Variants in PREP observed in about 807,000 individuals in gnomAD.
The protein encoded by PREP is prolyl endopeptidase.
Under a neutral mutation model 87.6 loss-of-function variants are expected in PREP, and 29 were observed. That is an observed-to-expected ratio of 0.33 (90% CI 0.25 to 0.45). The LOEUF (loss-of-function observed/expected upper bound fraction) is 0.45. PREP is among the 20% of genes least tolerant of loss of function. The pLI is 1.00. For missense variants in PREP, 695 were observed against 886.5 expected, an observed-to-expected ratio of 0.78 and a Z score of 2.74; for synonymous variants, 337 against 328.6, an observed-to-expected ratio of 1.03 and a Z score of -0.28.
chr6:105,288,424 C>T (rs1770232455), intron 11 of PREP, among the ~76,000 whole-genome samples: 1 of 152,202 alleles, frequency 6.6e-6, no homozygotes, highest in Non-Finnish European at 1.5e-5. Flanking sequence ...GATCTTGGCT[C>T]ACTGCAACCT....
chr6:105,351,916 GA>G (rs1771966933), intron 7 of PREP, among the ~76,000 whole-genome samples: 1 of 152,096 alleles, frequency 6.6e-6, no homozygotes, highest in Non-Finnish European at 1.5e-5. Context: ...TTAACTCTAG[GA>G]AAAAAGTTGC....
chr6:105,354,010 T>C (rs78863494), intron 6 of PREP, among the ~76,000 whole-genome samples: 10,969 of 152,168 alleles, frequency 0.072, 538 homozygotes, highest in South Asian at 0.15. Context: ...ATACAAACAA[T>C]GTATTATTGT....
chr6:105,331,452 C>T (rs565609314), intron 8 of PREP, among the ~76,000 whole-genome samples: 55 of 152,272 alleles, frequency 3.6e-4, no homozygotes, highest in Middle Eastern at 3.4e-3. Context: ...TTACAACATC[C>T]ATGATGGTGT....
At chr6:105,297,916 A>C (rs1005377539) in intron 10 of PREP, among the ~76,000 whole-genome samples, 2 of 152,246 alleles carry the variant, frequency 1.3e-5, no homozygotes, top group Admixed American at 1.3e-4. Context: ...GTAAGATCTC[A>C]TAAGCGGGAC....
chr6:105,326,210 A>C (rs1771154486), intron 9 of PREP, among the ~76,000 whole-genome samples: 3 of 151,922 alleles, frequency 2.0e-5, no homozygotes, highest in Admixed American at 6.6e-5. Context: ...CTCACCCCTG[A>C]CTCCCAGAGC....
intron 10 of PREP, among the ~76,000 whole-genome samples, chr6:105,293,188 C>A (rs1770335314): frequency 6.6e-6 from 1 of 152,206 alleles, no homozygotes; most frequent in Non-Finnish European, 1.5e-5. Context: ...CTTGCACATT[C>A]CTTCCTCACT....
intron 7 of PREP, among the ~76,000 whole-genome samples, chr6:105,350,178 C>G (rs533579417): frequency 1.3e-5 from 2 of 151,794 alleles, no homozygotes; most frequent in Non-Finnish European, 2.9e-5. Context: ...AACTAAAGTA[C>G]GGTGATTCTA....
chr6:105,384,116 T>G (rs889073974), intron 2 of PREP, among the ~76,000 whole-genome samples: 2 of 152,108 alleles, frequency 1.3e-5, no homozygotes, highest in Admixed American at 6.5e-5. Flanking sequence ...GTCCCACTGA[T>G]AGTTGGGGAA....
In PREP at chr6:105,329,036, TAAG is replaced by T. The variant is rs1046493453; in HGVS notation, c.1016-13_1016-11del. The stretch of plus-strand genomic sequence containing the variant: ...ACACAAGCTATCCATTCTGAAAGGA[TAAG>T]AAGAGAAAAAACCTAATGCAATTTA... On this transcript the variant is annotated splice_polypyrimidine_tract_variant and intron_variant, in intron 8 of 14. Transcript: ENST00000652536. The T allele has an allele frequency of 9.9e-6, 16 of 1,609,130 alleles. No individual in the cohort carries two copies. Among genetic ancestry groups the T allele is most frequent in the Non-Finnish European group, 9.4e-6 (11 of 1,175,970 alleles).
At chr6:105,281,693 G>C in intron 14 of PREP, 53 bp downstream of exon 14, 3 of 1,577,504 alleles carry the variant, frequency 1.9e-6, no homozygotes, top group East Asian at 2.2e-5. Context: ...CTGTGACTGT[G>C]TTCAACTTTA....
chr6:105,375,984 T>C lies in PREP; in HGVS notation c.385+141A>G, dbSNP rs1388376449. 5.1e-6 allele frequency: 5 copies of C among 983,360 alleles called. No homozygotes were observed. The African/African-American group carries it at 8.3e-5, about 16-fold the overall frequency. 60.9% of individuals were successfully genotyped at this position (983,360 alleles called of 1,614,324 possible). The stretch of plus-strand genomic sequence containing the variant: ...CTAAATATACTGTGCAAAAATTAGC[T>C]TTCCTGATATTGTATGTGCATCTGT... On this transcript the variant is annotated intron_variant, in intron 4 of 14. Transcript: ENST00000652536.
intron 12 of PREP, among the ~76,000 whole-genome samples, chr6:105,284,978 G>A (rs1417327908): frequency 6.6e-6 from 1 of 152,218 alleles, no homozygotes; most frequent in Non-Finnish European, 1.5e-5. Context: ...CTAGGAGGAT[G>A]AGATTCCTCA....
intron 5 of PREP, among the ~76,000 whole-genome samples, chr6:105,372,030 G>A (rs112639412): frequency 0.013 from 1,948 of 152,150 alleles, 38 homozygotes; most frequent in African/African-American, 0.043. Context: ...TTTCCAGAGC[G>A]CAGACATCTT....
At chr6:105,385,549 CTG>C (rs1174218251) in intron 2 of PREP, among the ~76,000 whole-genome samples, 19 of 152,198 alleles carry the variant, frequency 1.2e-4, no homozygotes, top group Admixed American at 1.1e-3. Context: ...AGAGCAATGA[CTG>C]TGAAACAAAA....
intron 11 of PREP, among the ~76,000 whole-genome samples, chr6:105,285,955 TA>T (rs1240199135): frequency 7.2e-5 from 11 of 152,290 alleles, no homozygotes; most frequent in African/African-American, 2.6e-4. Flanking sequence ...TTTGTATTTT[TA>T]GTAGAGATGG....
intron 10 of PREP, among the ~76,000 whole-genome samples, chr6:105,297,479 A>G (rs1349142531): frequency 6.6e-6 from 1 of 152,222 alleles, no homozygotes; most frequent in African/African-American, 2.4e-5. Flanking sequence ...TATTGCTACC[A>G]CAGTACTCAG....
chr6:105,373,297 C>T, intron 5 of PREP, 72 bp downstream of exon 5: 2 of 1,475,778 alleles, frequency 1.4e-6, no homozygotes, highest in Non-Finnish European at 9.5e-7. Context: ...TAGGGTTCAG[C>T]ATCTCTTTTC....
chr6:105,325,662 T>C (rs1771136327), intron 9 of PREP, among the ~76,000 whole-genome samples: 1 of 152,298 alleles, frequency 6.6e-6, no homozygotes, highest in South Asian at 2.1e-4. Context: ...TATAGATCCA[T>C]CTAGGTTAGC....
intron 7 of PREP, among the ~76,000 whole-genome samples, chr6:105,339,164 G>A (rs541614733): frequency 1.9e-4 from 29 of 152,270 alleles, no homozygotes; most frequent in African/African-American, 6.0e-4. Flanking sequence ...TCATAAGGCC[G>A]GGTGCCCCTC....
Sources: gnomAD v4.1 joint callset for allele counts (sites outside exome capture counted in the v4.1 genomes callset) on GRCh38, gnomAD v4.1.1 for gene constraint, MANE v1.5 for transcripts, NCBI Gene and HGNC (gene_info 2026-07-23, HGNC 2026-07-21) for gene names.